NQO1: variants seen among roughly 807,000 people sequenced by gnomAD.
The protein encoded by NQO1 is NAD(P)H dehydrogenase [quinone] 1.
NQO1 carries 30 observed loss-of-function variants against 32.1 expected under a neutral mutation model. The observed-to-expected ratio is 0.94, with a 90% CI of 0.70 to 1.27. The LOEUF is 1.27. Among genes scored for constraint, NQO1 ranks in the 50% most tolerant of loss-of-function variants. The pLI, the probability that NQO1 is intolerant of heterozygous loss-of-function variation, is 0.00. For synonymous variants in NQO1, 109 were observed against 119.7 expected, an observed-to-expected ratio of 0.91 and a Z score of 0.59; for missense variants, 276 against 331.3, an observed-to-expected ratio of 0.83 and a Z score of 1.30.
At chr16:69,716,869 T>G (rs2038119762) in intron 3 of NQO1, among the ~76,000 whole-genome samples, 1 of 152,140 alleles carries the variant, frequency 6.6e-6, no homozygotes, top group Non-Finnish European at 1.5e-5. Context: ...GAGGATCATT[T>G]GAGCCCAGGA....
At position 69,710,042 on chromosome 16, in the gene NQO1, G is replaced by A; in HGVS notation, c.*934C>T. 2.9e-6 allele frequency: 1 copy of A among 339,480 alleles called. No homozygotes were observed. The allele number at this position is 339,480 out of a possible 1,614,324, so 21.0% of individuals were successfully genotyped here. On this transcript the variant is annotated 3_prime_UTR_variant, in exon 6 of 6. Transcript: ENST00000320623. ...TATCTCTGCAAACCTTAAAGTAGAA[G>A]ATTGCAAGGGCCAGGTGTGGTGGAT...
Position 69,709,917 on chromosome 16 carries a change from G to A in NQO1, c.*1059C>T, listed in dbSNP as rs989690854. 1.8e-5 allele frequency: 7 copies of A among 398,026 alleles called. No individual in the cohort carries two copies. Among genetic ancestry groups the A allele is most frequent in the African/African-American group, 4.1e-5 (2 of 48,604 alleles). 24.7% of individuals were successfully genotyped at this position (398,026 alleles called of 1,614,324 possible). ...ACCTTCTGAAAATTTGTATAGATCA[G>A]AAATAAAGTATTTTTTGTGGAAGAC... On this transcript the variant is annotated 3_prime_UTR_variant, in exon 6 of 6. Transcript: ENST00000320623.
chr16:69,715,033 C>A lies in NQO1; in HGVS notation c.348G>T (p.Trp116Cys), dbSNP rs995532916. 1.9e-6 allele frequency: 3 copies of A among 1,613,832 alleles called. No homozygotes were observed. Among genetic ancestry groups the A allele is most frequent in the Admixed American group, 1.7e-5 (1 of 59,992 alleles). Residue 116 changes from tryptophan (W) to cysteine (C), a missense_variant, in exon 4 of 6, where the codon TGG becomes TGT. Trp to Cys is a radical substitution (Grantham distance 215, BLOSUM62 -2). Coordinates refer to ENST00000320623, the MANE Select transcript of NQO1 (RefSeq NM_000903.3). ...WFGVPAILKG[W>C]FERVFIGEFA... ...ACTCTCCTATGAACACTCGCTCAAACCAGCCTTTCAGAATGGCAGGGACTC... is the reference window on the plus strand; with the variant it reads ...ACTCTCCTATGAACACTCGCTCAAAACAGCCTTTCAGAATGGCAGGGACTC...
intron 3 of NQO1, among the ~76,000 whole-genome samples, chr16:69,717,280 C>T (rs924189714): frequency 2.0e-5 from 3 of 152,172 alleles, no homozygotes; most frequent in Non-Finnish European, 2.9e-5. Flanking sequence ...GTCTGCTAAA[C>T]GGTAAGGCAG....
chr16:69,718,702 A>C (rs1197430650), intron 1 of NQO1, among the ~76,000 whole-genome samples, 168 bp from the exon 2 acceptor site: 1 of 152,180 alleles, frequency 6.6e-6, no homozygotes, highest in Non-Finnish European at 1.5e-5. Context: ...AAAGCACTGA[A>C]GATTAAAGGA....
Position 69,718,144 on chromosome 16 carries a change from G to A in NQO1, c.282C>T (p.Ala94=), listed in dbSNP as rs761671165. 9.3e-6 allele frequency: 15 copies of A among 1,613,816 alleles called. No individual in the cohort carries two copies. Among genetic ancestry groups the A allele is most frequent in the Admixed American group, 1.7e-5 (1 of 59,982 alleles). The change falls in exon 3 of 6, where the codon GCC becomes GCT. Residue 94 remains alanine, a synonymous_variant. Coordinates refer to ENST00000320623, the MANE Select transcript of NQO1 (RefSeq NM_000903.3). Reference sequence around the variant, plus strand: ...ATACCTGGAATATCACAAGGTCTGCGGCTTCCAGCTTCTTTTGTTCAGCCA... The same window carrying A: ...ATACCTGGAATATCACAAGGTCTGCAGCTTCCAGCTTCTTTTGTTCAGCCA... ...DIVAEQKKLE[A]ADLVIFQFPL...
In NQO1 at chr16:69,726,477, C is replaced by T. The variant is rs962094113; in HGVS notation, c.-38G>A. 4 of 1,604,122 alleles carry T rather than the reference C, an allele frequency of 2.5e-6. No individual in the cohort carries two copies. Among genetic ancestry groups the T allele is most frequent in the Non-Finnish European group, 3.4e-6 (4 of 1,177,772 alleles). On this transcript the variant is annotated 5_prime_UTR_variant, in exon 1 of 6. Coordinates refer to ENST00000320623, the MANE Select transcript of NQO1 (RefSeq NM_000903.3). ...GTCCGGGGCGCTGATTGGCTGGGCT[C>T]GTGGTTGCCGGGGCGACCCTGGCCG...
At chr16:69,724,783 G>T (rs943996557) in intron 1 of NQO1, among the ~76,000 whole-genome samples, 29 of 152,178 alleles carry the variant, frequency 1.9e-4, no homozygotes, top group Non-Finnish European at 2.8e-4. Flanking sequence ...TCTCACTTGA[G>T]TGCTCCAGGG....
intron 1 of NQO1, among the ~76,000 whole-genome samples, chr16:69,725,500 T>C (rs546226955): frequency 5.3e-5 from 8 of 152,294 alleles, no homozygotes; most frequent in Admixed American, 1.3e-4. Context: ...GGGAAGGCTC[T>C]ATCACTGAAG....
At chr16:69,726,312 T>A in intron 1 of NQO1, 121 bp downstream of exon 1, 1 of 1,399,518 alleles carries the variant, frequency 7.1e-7, no homozygotes, top group Non-Finnish European at 9.8e-7. Flanking sequence ...GTCCCTAATC[T>A]CTTCCCTTTG....
At chr16:69,719,679 A>G (rs2038164256) in intron 1 of NQO1, among the ~76,000 whole-genome samples, 1 of 152,188 alleles carries the variant, frequency 6.6e-6, no homozygotes, top group Admixed American at 6.6e-5. Context: ...AGCCTGAGGC[A>G]GGAGAATCGC....
chr16:69,714,551 C>T (rs941218031), intron 4 of NQO1, among the ~76,000 whole-genome samples: 3 of 151,870 alleles, frequency 2.0e-5, no homozygotes, highest in African/African-American at 4.8e-5. Context: ...CCCGAAGGAC[C>T]TGGAGCCTAG....
At chr16:69,716,210 C>T (rs1251598133) in intron 3 of NQO1, among the ~76,000 whole-genome samples, 4 of 149,880 alleles carry the variant, frequency 2.7e-5, no homozygotes, top group Non-Finnish European at 4.4e-5. Flanking sequence ...TCATCATCAA[C>T]GTGGCTAGGT....
chr16:69,716,073 C>A (rs2038108248), intron 3 of NQO1, among the ~76,000 whole-genome samples: 1 of 151,692 alleles, frequency 6.6e-6, no homozygotes, highest in African/African-American at 2.4e-5. Flanking sequence ...GAGGCTGAGG[C>A]AGGAGGATTG....
At position 69,722,500 on chromosome 16, in the gene NQO1, TAACTA is replaced by T. The variant is rs2038206064; in HGVS notation, c.7+3928_7+3932del. On this transcript the variant is annotated intron_variant, in intron 1 of 5. Transcript: ENST00000320623. ...TTTGCACCATCTGAATAACTAGAAA[TAACTA>T]AAATAACTAGAAAGGCACATTTAAA... 1.1e-4 allele frequency among the ~76,000 whole-genome samples: 16 copies of T among 152,268 alleles called. No individual in the cohort carries two copies. The South Asian group carries it at 3.3e-3, about 32-fold the overall frequency.
intron 1 of NQO1, among the ~76,000 whole-genome samples, chr16:69,724,333 G>A (rs2038232343): frequency 6.6e-6 from 1 of 151,608 alleles, no homozygotes; most frequent in Admixed American, 6.6e-5. Context: ...TTCAACAGAG[G>A]AAAACTTCAG....
chr16:69,715,473 C>G (rs1380115131), intron 3 of NQO1, among the ~76,000 whole-genome samples: 1 of 152,114 alleles, frequency 6.6e-6, no homozygotes, highest in African/African-American at 2.4e-5. Flanking sequence ...GTGGTATCAA[C>G]AATATGACTG....
At chr16:69,723,454 G>C (rs561251018) in intron 1 of NQO1, among the ~76,000 whole-genome samples, 1 of 152,178 alleles carries the variant, frequency 6.6e-6, no homozygotes, top group South Asian at 2.1e-4. Context: ...TCAAAGTGCA[G>C]TACCTGGAAT....
chr16:69,723,539 T>C (rs2038221018), intron 1 of NQO1, among the ~76,000 whole-genome samples: 1 of 152,088 alleles, frequency 6.6e-6, no homozygotes, highest in African/African-American at 2.4e-5. Context: ...GGCTCACACC[T>C]GTAATCTCAG....
Sources: allele counts gnomAD v4.1 joint callset (sites outside exome capture counted in the v4.1 genomes callset), GRCh38; gene constraint gnomAD v4.1.1; transcripts MANE v1.5; gene names NCBI Gene and HGNC (gene_info 2026-07-23, HGNC 2026-07-21).